SOX13: variants seen among roughly 807,000 people sequenced by gnomAD.
SOX13 encodes the protein transcription factor SOX-13.
A neutral mutation model predicts 71.8 loss-of-function variants in SOX13; 28 were observed. The observed-to-expected ratio is 0.39, with a 90% confidence interval of 0.29 to 0.53. SOX13 has a LOEUF of 0.53. Among genes scored for constraint, SOX13 ranks in the 20% least tolerant of loss-of-function variants. SOX13 has a pLI of 0.70. For synonymous variants in SOX13, 309 were observed against 317.8 expected (o/e 0.97, Z 0.29); for missense variants, 627 against 810.3 (o/e 0.77, Z 2.75).
At chr1:204,120,896 A>C (rs1196397803) in intron 7 of SOX13, among the ~76,000 whole-genome samples, 3 of 152,134 alleles carry the variant, frequency 2.0e-5, no homozygotes, top group Admixed American at 2.0e-4. Flanking sequence ...CCCTGGGTTC[A>C]AATCCTGATG....
At chr1:204,121,842 A>T (rs1279924014) in intron 7 of SOX13, 58 bp from the exon 8 acceptor site, 1 of 1,213,980 alleles carries the variant, frequency 8.2e-7, no homozygotes. Flanking sequence ...CTCGTCAAGC[A>T]GGGTGTCTGC....
At chr1:204,097,802 TG>T (rs1656283085) in intron 1 of SOX13, among the ~76,000 whole-genome samples, 2 of 152,018 alleles carry the variant, frequency 1.3e-5, no homozygotes. Flanking sequence ...TTGTTGTCAA[TG>T]GCCACCTCCT....
intron 12 of SOX13, among the ~76,000 whole-genome samples, chr1:204,124,006 C>T (rs1018440153): frequency 1.3e-5 from 2 of 152,130 alleles, no homozygotes; most frequent in Non-Finnish European, 2.9e-5. Context: ...TAGCACCTGT[C>T]CTCAAGAACT....
At chr1:204,102,289 C>T (rs1656375787) in intron 1 of SOX13, among the ~76,000 whole-genome samples, 1 of 152,190 alleles carries the variant, frequency 6.6e-6, no homozygotes, top group Non-Finnish European at 1.5e-5. Context: ...CTGTAGTCAT[C>T]CCTATGGTCC....
intron 1 of SOX13, among the ~76,000 whole-genome samples, chr1:204,095,706 ATG>A (rs1656238791): frequency 1.3e-5 from 2 of 152,334 alleles, no homozygotes; most frequent in South Asian, 4.1e-4. Flanking sequence ...CAATTTGTAA[ATG>A]TGTAGTTCAG....
At chr1:204,105,543 T>C (rs1656453373) in intron 1 of SOX13, among the ~76,000 whole-genome samples, 1 of 152,046 alleles carries the variant, frequency 6.6e-6, no homozygotes, top group African/African-American at 2.4e-5. Flanking sequence ...GTAGCTGGGA[T>C]TACAGGTATG....
intron 1 of SOX13, among the ~76,000 whole-genome samples, chr1:204,078,623 A>G (rs1421234869): frequency 6.6e-6 from 1 of 152,190 alleles, no homozygotes; most frequent in Non-Finnish European, 1.5e-5. Context: ...CGGATGTGTC[A>G]GCCAGGGAGG....
intron 1 of SOX13, among the ~76,000 whole-genome samples, chr1:204,091,758 T>G (rs1571571638): frequency 1.4e-5 from 2 of 142,634 alleles, no homozygotes; most frequent in South Asian, 2.2e-4. Flanking sequence ...GTGTGTGTGT[T>G]TGTGTTTTAG....
At chr1:204,090,932 T>C (rs1175395957) in intron 1 of SOX13, among the ~76,000 whole-genome samples, 8 of 152,058 alleles carry the variant, frequency 5.3e-5, no homozygotes, top group Admixed American at 4.6e-4. Flanking sequence ...TTAGTTTAGA[T>C]TGCAGTTAGG....
rs542149507 is a variant in SOX13, at chr1:204,126,407, G to A, written c.*273G>A. 33 of 497,952 alleles carry A rather than the reference G, an allele frequency of 6.6e-5. No individual in the cohort carries two copies. In the South Asian group the frequency reaches 6.9e-4, roughly 10 times the overall value. 30.8% of individuals were successfully genotyped at this position (497,952 alleles called of 1,614,324 possible). ...TTAGGGCTTATGGCCAGGGGACACT[G>A]TATGACTCTCCTCTCCTGCAGGTGT... On this transcript the variant is annotated 3_prime_UTR_variant, in exon 14 of 14. Transcript: ENST00000367204.
rs779967196 is a variant in SOX13, at chr1:204,117,210, G to C, written c.660+20G>C. ...ATCCAGGTAACCGGAGGGGAGACCC[G>C]GAGAGGCACAGGAGGCAGTTGAGGG... On this transcript the variant is annotated intron_variant, in intron 6 of 13. Transcript: ENST00000367204. 1 of 1,611,358 alleles carries C rather than the reference G, an allele frequency of 6.2e-7. No individual in the cohort carries two copies. The highest frequency in any genetic ancestry group is 8.5e-7 in the Non-Finnish European group (1 of 1,177,600).
chr1:204,094,744 C>T (rs1656216878), intron 1 of SOX13, among the ~76,000 whole-genome samples: 1 of 152,120 alleles, frequency 6.6e-6, no homozygotes, highest in Non-Finnish European at 1.5e-5. Context: ...ACACAGCAAA[C>T]CCTGTGATGT....
At chr1:204,098,679 AG>A (rs1324660104) in intron 1 of SOX13, among the ~76,000 whole-genome samples, 2 of 151,998 alleles carry the variant, frequency 1.3e-5, no homozygotes, top group East Asian at 3.9e-4. Flanking sequence ...GCTAACAGGG[AG>A]GTGTGGGGTT....
intron 1 of SOX13, among the ~76,000 whole-genome samples, chr1:204,093,215 T>C (rs1558212893): frequency 1.3e-5 from 2 of 152,130 alleles, no homozygotes; most frequent in South Asian, 4.1e-4. Flanking sequence ...ATGCTAGCTG[T>C]AGGTAGGGCG....
intron 1 of SOX13, among the ~76,000 whole-genome samples, chr1:204,078,649 T>C (rs1655831953): frequency 6.6e-6 from 1 of 152,154 alleles, no homozygotes; most frequent in Non-Finnish European, 1.5e-5. Context: ...ACAGTGCCTT[T>C]TACCAGATGG....
intron 1 of SOX13, among the ~76,000 whole-genome samples, chr1:204,111,085 T>TA (rs528256550): frequency 4.8e-4 from 73 of 152,296 alleles, no homozygotes; most frequent in Non-Finnish European, 8.4e-4. Flanking sequence ...TGCTGGTCCT[T>TA]ATACTGCATT....
intron 1 of SOX13, among the ~76,000 whole-genome samples, chr1:204,091,627 G>T (rs1430072376): frequency 1.3e-5 from 2 of 152,202 alleles, no homozygotes; most frequent in African/African-American, 4.8e-5. Flanking sequence ...TTGGAAGGCT[G>T]GGGGCAAGGT....
At chr1:204,122,216 G>A (rs1245717460) in intron 8 of SOX13, 21 bp from the exon 9 acceptor site, 1 of 1,550,754 alleles carries the variant, frequency 6.4e-7, no homozygotes, top group African/African-American at 1.4e-5. Flanking sequence ...GTCATCCTCT[G>A]ACCTGCTGGG....
chr1:204,117,587 C>T lies in SOX13; in HGVS notation c.661-6C>T, dbSNP rs758066639. 6.3e-7 allele frequency: 1 copy of T among 1,598,350 alleles called. No homozygotes were observed. Among genetic ancestry groups the T allele is most frequent in the Non-Finnish European group, 8.6e-7 (1 of 1,168,714 alleles). On this transcript the variant is annotated splice_polypyrimidine_tract_variant and splice_region_variant and intron_variant, in intron 6 of 13. Transcript: ENST00000367204. Reference sequence around the variant, plus strand: ...GGGGACTCACACAGGGTTTCTTTGCCTTCAGCAGGTTAACATGCCTTATGT... The same window carrying T: ...GGGGACTCACACAGGGTTTCTTTGCTTTCAGCAGGTTAACATGCCTTATGT...
Sources: allele counts gnomAD v4.1 joint callset (sites outside exome capture counted in the v4.1 genomes callset), GRCh38; gene constraint gnomAD v4.1.1; transcripts MANE v1.5; gene names NCBI Gene and HGNC (gene_info 2026-07-23, HGNC 2026-07-21).